The following COL4A1 variants were observed in gnomAD, a reference collection of about 807,000 sequenced individuals.
The protein encoded by COL4A1 is collagen type IV alpha 1 chain.
Under a neutral mutation model 216.6 loss-of-function variants are expected in COL4A1, and 40 were observed. That is an observed-to-expected ratio of 0.18 (90% CI 0.14 to 0.24). The LOEUF is 0.24. Ranked by LOEUF, COL4A1 falls within the 10% of genes least tolerant of loss-of-function variation. The probability of loss-of-function intolerance (pLI) is 1.00; values close to 1 mark genes in which losing one functional copy is unlikely to be tolerated. For missense variants in COL4A1, 1,628 were observed against 2,196.8 expected, an observed-to-expected ratio of 0.74 and a Z score of 5.18; for synonymous variants, 839 against 810.7, an observed-to-expected ratio of 1.03 and a Z score of -0.59.
chr13:110,252,501 ATATATG>A (rs72527552), intron 1 of COL4A1, among the ~76,000 whole-genome samples: 16,041 of 59,602 alleles, frequency 0.27, 4,379 homozygotes, highest in Middle Eastern at 0.41. Context: ...AATTATACGT[ATATATG>A]TATTATATAT....
In COL4A1 at chr13:110,156,008, A is replaced by G. The variant is rs1876769846; in HGVS notation, c.4641-611T>C. 2.0e-5 allele frequency among the ~76,000 whole-genome samples: 3 copies of G among 152,290 alleles called. No homozygotes were observed. The South Asian group carries it at 6.2e-4, about 32-fold the overall frequency. Reference sequence around the variant, plus strand: ...AGGCCAGGAGTTCAAGGCTGCAGGGAGCTATGCTCGGCCTGCCTGTGGGCC... The same window carrying G: ...AGGCCAGGAGTTCAAGGCTGCAGGGGGCTATGCTCGGCCTGCCTGTGGGCC... On this transcript the variant is annotated intron_variant, in intron 49 of 51. Coordinates refer to ENST00000375820, the MANE Select transcript of COL4A1 (RefSeq NM_001845.6).
chr13:110,269,073 T>A (rs1410822268), intron 1 of COL4A1, among the ~76,000 whole-genome samples: 1 of 152,216 alleles, frequency 6.6e-6, no homozygotes, highest in Admixed American at 6.5e-5. Flanking sequence ...GCCAGCTGTA[T>A]TGACAGCATG....
At chr13:110,161,610 T>C (rs1030753823) in intron 48 of COL4A1, among the ~76,000 whole-genome samples, 3 of 152,250 alleles carry the variant, frequency 2.0e-5, no homozygotes, top group African/African-American at 7.2e-5. Context: ...TGGTTCGTTA[T>C]ACGATGGATA....
chr13:110,191,588 T>A (rs2139178324), intron 24 of COL4A1: 1 of 652,600 alleles, frequency 1.5e-6, no homozygotes, highest in East Asian at 2.8e-5. Flanking sequence ...GGTATTTTGT[T>A]CCATTGAAAG....
chr13:110,213,084 A>G lies in COL4A1; in HGVS notation c.280-466T>C, dbSNP rs1048744147. Among the ~76,000 whole-genome samples the G allele has an allele frequency of 8.5e-5, 13 of 152,270 alleles. 3 individuals are homozygous for G. The highest frequency in any genetic ancestry group is 5.9e-4 in the Admixed American group (9 of 15,296). ...CTAAGCTATGAGGATGTAAAGGCAT[A>G]AGAGTGATACAATGGACTTCGGGAC... On this transcript the variant is annotated intron_variant, in intron 4 of 51. Transcript: ENST00000375820.
chr13:110,215,692 T>C (rs987506850), intron 2 of COL4A1, among the ~76,000 whole-genome samples: 2 of 152,206 alleles, frequency 1.3e-5, no homozygotes, highest in African/African-American at 4.8e-5. Context: ...TGTTAGCTGA[T>C]TTAAAAACAT....
chr13:110,231,535 C>T (rs1239517907), intron 2 of COL4A1, among the ~76,000 whole-genome samples: 1 of 152,194 alleles, frequency 6.6e-6, no homozygotes, highest in African/African-American at 2.4e-5. Flanking sequence ...GCCGTGCCTT[C>T]TCCCTCCCTG....
chr13:110,152,223 T>C, intron 51 of COL4A1, 111 bp downstream of exon 51: 1 of 1,514,278 alleles, frequency 6.6e-7, no homozygotes, highest in South Asian at 1.2e-5. Flanking sequence ...AAATATTCAT[T>C]GCTAACCATC....
chr13:110,175,101 G>A (rs956224325), intron 37 of COL4A1, 117 bp downstream of exon 37: 2 of 1,309,676 alleles, frequency 1.5e-6, no homozygotes, highest in African/African-American at 1.4e-5. Context: ...GCTGCCTTAT[G>A]GGACTCCCTG....
rs1255164574 is a variant in COL4A1, at chr13:110,177,846, T to A, written c.2712A>T (p.Glu904Asp). The A allele has an allele frequency of 1.2e-6, 2 of 1,613,970 alleles. No homozygotes were observed. The highest frequency in any genetic ancestry group is 1.7e-6 in the Non-Finnish European group (2 of 1,180,026). The change falls in exon 33 of 52, where the codon GAA becomes GAT. Residue 904 changes from glutamate (E) to aspartate (D), a missense_variant. Around this residue, in one of 8 missense-constraint regions of COL4A1, gnomAD observed 701 missense variants for 892.5 expected, o/e 0.79. Transcript: ENST00000375820. The part of the protein sequence containing the change: ...GPVGAPGLPG[E>D]KGDHGFPGSS... ...TAGGGTTATCAGCTCCCCTACCTTT[T>A]TCACCCGGTAATCCAGGAGCACCCA...
rs1878034663 is a variant in COL4A1, at chr13:110,179,268, T to C, written c.2344+3A>G. On this transcript the variant is annotated splice_donor_region_variant and intron_variant, in intron 30 of 51. Transcript: ENST00000375820. ...CCCTCCAGACTGATCTGCATGAAGT[T>C]ACCTCTGATCCCCTGAAGCCCAGGG... 1 of 1,614,092 alleles carries C rather than the reference T, an allele frequency of 6.2e-7. No individual in the cohort carries two copies. The highest frequency in any genetic ancestry group is 8.5e-7 in the Non-Finnish European group (1 of 1,180,012).
At chr13:110,292,021 G>A (rs896657299) in intron 1 of COL4A1, among the ~76,000 whole-genome samples, 1 of 152,182 alleles carries the variant, frequency 6.6e-6, no homozygotes, top group Non-Finnish European at 1.5e-5. Context: ...CCAAACATTT[G>A]ATACAAACAA....
intron 20 of COL4A1, among the ~76,000 whole-genome samples, chr13:110,199,900 G>C (rs1328960830): frequency 6.6e-6 from 1 of 152,148 alleles, no homozygotes; most frequent in Non-Finnish European, 1.5e-5. Flanking sequence ...TGCTTTTAAG[G>C]GTAGAGTCAG....
chr13:110,152,258 T>C (rs1331969429), intron 51 of COL4A1, 76 bp downstream of exon 51: 2 of 1,587,134 alleles, frequency 1.3e-6, no homozygotes, highest in African/African-American at 1.3e-5. Flanking sequence ...TTGGAAGGTG[T>C]TACGGATCGC....
intron 2 of COL4A1, among the ~76,000 whole-genome samples, chr13:110,219,088 C>T (rs1379495626): frequency 6.6e-6 from 1 of 152,062 alleles, no homozygotes; most frequent in Non-Finnish European, 1.5e-5. Context: ...GTGGGTGCCG[C>T]GGGGTCATGG....
chr13:110,184,382 T>G (rs1298366096), intron 26 of COL4A1, among the ~76,000 whole-genome samples: 1 of 152,206 alleles, frequency 6.6e-6, no homozygotes, highest in African/African-American at 2.4e-5. Flanking sequence ...CTTGATTTGT[T>G]GATTGTGGAA....
chr13:110,216,960 G>A (rs139450873), intron 2 of COL4A1, among the ~76,000 whole-genome samples: 4 of 152,286 alleles, frequency 2.6e-5, no homozygotes, highest in African/African-American at 9.6e-5. Flanking sequence ...TTTCCCAAAT[G>A]TCACCAGAAA....
intron 1 of COL4A1, among the ~76,000 whole-genome samples, chr13:110,276,029 C>T (rs879310286): frequency 1.4e-5 from 2 of 142,418 alleles, no homozygotes; most frequent in Admixed American, 1.5e-4. Flanking sequence ...CAAAGTACAG[C>T]ACCGAGAGTG....
chr13:110,284,329 C>A (rs1431325727), intron 1 of COL4A1, among the ~76,000 whole-genome samples: 1 of 152,182 alleles, frequency 6.6e-6, no homozygotes, highest in African/African-American at 2.4e-5. Flanking sequence ...TCTCTAACAT[C>A]TGACTAATGT....
Sources: allele counts gnomAD v4.1 joint callset (sites outside exome capture counted in the v4.1 genomes callset), GRCh38; gene constraint gnomAD v4.1.1; regional missense constraint gnomAD v4.1.1; transcripts MANE v1.5; gene names NCBI Gene and HGNC (gene_info 2026-07-23, HGNC 2026-07-21).